The following RAI1 variants were observed in gnomAD, a reference collection of about 807,000 sequenced individuals.
RAI1 encodes retinoic acid-induced protein 1.
A neutral mutation model predicts 123.8 loss-of-function variants in RAI1; 9 were observed. That is an observed-to-expected ratio of 0.07 (90% confidence interval 0.04 to 0.13). The LOEUF (loss-of-function observed/expected upper bound fraction) is 0.13, where lower values mean the gene tolerates loss of function less well. Among genes scored for constraint, RAI1 ranks in the 10% least tolerant of loss-of-function variants. RAI1 has a pLI of 1.00. For synonymous variants in RAI1, 1,231 were observed against 1,127.3 expected (o/e 1.09, Z -1.84); for missense variants, 2,256 against 2,545.8 (o/e 0.89, Z 2.45).
At chr17:17,689,154 C>T (rs1914753746) in intron 1 of RAI1, among the ~76,000 whole-genome samples, 1 of 151,850 alleles carries the variant, frequency 6.6e-6, no homozygotes, top group African/African-American at 2.4e-5. Flanking sequence ...GATGGTGTTT[C>T]ACCATGTTGG....
At chr17:17,687,889 G>A (rs532714382) in intron 1 of RAI1, among the ~76,000 whole-genome samples, 6 of 152,040 alleles carry the variant, frequency 3.9e-5, no homozygotes, top group African/African-American at 1.4e-4. Context: ...AATTAGCCAG[G>A]TGTGGTGGCC....
chr17:17,808,184 G>A (rs1363158315), intron 4 of RAI1, among the ~76,000 whole-genome samples: 2 of 152,002 alleles, frequency 1.3e-5, no homozygotes, highest in Non-Finnish European at 2.9e-5. Flanking sequence ...GGGTCCCTGG[G>A]GGAAAAGCCA....
chr17:17,681,646 G>T lies in RAI1; in HGVS notation c.-296G>T. The stretch of plus-strand genomic sequence containing the variant: ...CTGCCCGCGGCCCTAGCGCCGGCGC[G>T]AGGAGGGGGCGCCGCGGCCCACCCT... On this transcript the variant is annotated 5_prime_UTR_variant, in exon 1 of 6. Coordinates refer to ENST00000353383, the MANE Select transcript of RAI1 (RefSeq NM_030665.4). The T allele has an allele frequency of 4.3e-6, 1 of 233,912 alleles. No individual in the cohort carries two copies. The highest frequency in any genetic ancestry group is 8.2e-6 in the Non-Finnish European group (1 of 122,124). The allele number at this position is 233,912 out of a possible 1,614,324, so 14.5% of individuals were successfully genotyped here.
chr17:17,711,876 G>C (rs921315025), intron 1 of RAI1, among the ~76,000 whole-genome samples: 4 of 152,232 alleles, frequency 2.6e-5, no homozygotes, highest in Non-Finnish European at 5.9e-5. Context: ...TTCAACTCCC[G>C]GGACCTGTGG....
intron 2 of RAI1, among the ~76,000 whole-genome samples, chr17:17,737,645 C>T (rs1240872524): frequency 6.6e-6 from 1 of 152,192 alleles, no homozygotes; most frequent in Non-Finnish European, 1.5e-5. Context: ...TGTACCTTTC[C>T]TCCAGTCCCC....
chr17:17,779,093 AAG>A (rs1249102602), intron 2 of RAI1: 1 of 353,694 alleles, frequency 2.8e-6, no homozygotes, highest in Non-Finnish European at 5.6e-6. Flanking sequence ...GGCTGTTCCA[AAG>A]AGAGAGAAAT....
intron 2 of RAI1, among the ~76,000 whole-genome samples, chr17:17,783,972 C>T (rs892463374): frequency 1.3e-5 from 2 of 152,114 alleles, no homozygotes; most frequent in African/African-American, 4.8e-5. Context: ...GCAATTTCCT[C>T]CTCTCTCTCT....
chr17:17,789,096 A>G (rs368704546), intron 2 of RAI1, among the ~76,000 whole-genome samples: 130 of 152,304 alleles, frequency 8.5e-4, no homozygotes, highest in African/African-American at 2.9e-3. Flanking sequence ...CCCTTGCCCC[A>G]CAGCAGCTTT....
intron 2 of RAI1, among the ~76,000 whole-genome samples, chr17:17,762,604 GGC>G (rs2030750813): frequency 6.6e-6 from 1 of 152,182 alleles, no homozygotes; most frequent in Admixed American, 6.5e-5. Flanking sequence ...CAGAGTCTGT[GGC>G]AACACAGAGG....
chr17:17,787,299 C>T (rs1257942217), intron 2 of RAI1, among the ~76,000 whole-genome samples: 1 of 152,178 alleles, frequency 6.6e-6, no homozygotes, highest in African/African-American at 2.4e-5. Flanking sequence ...GCTGTGTCCC[C>T]CAGCAGGACC....
intron 2 of RAI1, among the ~76,000 whole-genome samples, chr17:17,752,700 T>G (rs1277509573): frequency 6.6e-6 from 1 of 152,208 alleles, no homozygotes; most frequent in Non-Finnish European, 1.5e-5. Flanking sequence ...CTTGCCACGC[T>G]GGCCCCTCCC....
chr17:17,696,452 T>A (rs1002370832), intron 1 of RAI1, among the ~76,000 whole-genome samples: 1 of 152,210 alleles, frequency 6.6e-6, no homozygotes, highest in South Asian at 2.1e-4. Flanking sequence ...TTTGTCTGTT[T>A]AGGTATGCCA....
In RAI1 at chr17:17,795,532, A is replaced by C; in HGVS notation, c.2584A>C (p.Lys862Gln). Residue 862 changes from lysine to glutamine, a missense_variant, in exon 3 of 6, where the codon AAG becomes CAG. Transcript: ENST00000353383. The surrounding 1 kb of genome is among the most constrained non-coding windows in gnomAD (Gnocchi z 5.9). ...CCCACTGCTGCCACCCACCAGCAGG[A>C]AGGAGGACCTGGAAGCTGAGGAGGA... Reference protein sequence around the residue: ...DLPLLPPTSRKEDLEAEEEYS... With the variant: ...DLPLLPPTSRQEDLEAEEEYS... The C allele has an allele frequency of 6.2e-7, 1 of 1,601,802 alleles. No individual in the cohort carries two copies. The highest frequency in any genetic ancestry group is 1.1e-5 in the South Asian group (1 of 89,464).
At chr17:17,782,732 C>T (rs1483027150) in intron 2 of RAI1, among the ~76,000 whole-genome samples, 2 of 151,680 alleles carry the variant, frequency 1.3e-5, no homozygotes, top group Non-Finnish European at 2.9e-5. Flanking sequence ...AGGAAGAGGT[C>T]TCGGCCTGGG....
chr17:17,725,301 C>T (rs1567851660), intron 2 of RAI1, among the ~76,000 whole-genome samples: 1 of 152,146 alleles, frequency 6.6e-6, no homozygotes, highest in Non-Finnish European at 1.5e-5. Flanking sequence ...AGAGGTGATC[C>T]CGAGGGTGCT....
Position 17,796,833 on chromosome 17 carries a change from G to A in RAI1, c.3885G>A (p.Pro1295=), listed in dbSNP as rs146259338. 9.9e-6 allele frequency: 16 copies of A among 1,611,376 alleles called. No homozygotes were observed. Among genetic ancestry groups the A allele is most frequent in the Admixed American group, 5.0e-5 (3 of 59,872 alleles). Residue 1295 remains proline, a synonymous_variant, in exon 3 of 6, where the codon CCG becomes CCA. Transcript: ENST00000353383. This position sits in a 1 kb window ranked among gnomAD's most constrained non-coding sequence, Gnocchi z 5.8. ...NGEPATKLPP[P]ETPDACLKLA... ...AGCCTGCCACAAAGCTCCCACCCCC[G>A]GAGACCCCCGATGCCTGCCTCAAGC...
In RAI1 at chr17:17,782,901, G is replaced by A. The variant is rs1312640972; in HGVS notation, c.-16-10032G>A. 2.6e-5 allele frequency among the ~76,000 whole-genome samples: 4 copies of A among 152,202 alleles called. No individual in the cohort carries two copies. In the East Asian group the frequency reaches 5.8e-4, roughly 22 times the overall value. On this transcript the variant is annotated intron_variant, in intron 2 of 5. Transcript: ENST00000353383. ...ACCGAGGCGTGGGGAGGGAGCTGCGGAGGCCGTACGCCCCGCCCTGCGCGC... is the reference window on the plus strand; with the variant it reads ...ACCGAGGCGTGGGGAGGGAGCTGCGAAGGCCGTACGCCCCGCCCTGCGCGC...
chr17:17,806,577 G>T (rs1224688038), intron 4 of RAI1, among the ~76,000 whole-genome samples: 1 of 152,240 alleles, frequency 6.6e-6, no homozygotes, highest in Non-Finnish European at 1.5e-5. Context: ...CCAGCTTCAT[G>T]TCTCCAGCAC....
chr17:17,765,418 C>CT (rs2030885889), intron 2 of RAI1, among the ~76,000 whole-genome samples: 1 of 152,242 alleles, frequency 6.6e-6, no homozygotes, highest in East Asian at 1.9e-4. Context: ...GTGGACTTGT[C>CT]TTCCAGGCGA....
Sources: allele counts gnomAD v4.1 joint callset (sites outside exome capture counted in the v4.1 genomes callset), GRCh38; gene constraint gnomAD v4.1.1; non-coding constraint Gnocchi (gnomAD v3.1); transcripts MANE v1.5; gene names NCBI Gene and HGNC (gene_info 2026-07-23, HGNC 2026-07-21).